RHOJ: variants seen among roughly 807,000 people sequenced by gnomAD.
RHOJ encodes ras homolog family member J, also known as rho-related GTP-binding protein RhoJ.
In RHOJ, 11 loss-of-function variants were observed where a neutral mutation model predicts 23.4. The observed-to-expected ratio is 0.47, with a 90% CI of 0.30 to 0.78. RHOJ has a LOEUF of 0.78. Ranked by LOEUF, RHOJ falls within the 30% of genes least tolerant of loss-of-function variation. The probability of loss-of-function intolerance (pLI) is 0.08; values close to 1 mark genes in which losing one functional copy is unlikely to be tolerated. For synonymous variants in RHOJ, 102 were observed against 102.7 expected (o/e 0.99, Z 0.04); for missense variants, 254 against 273.4 (o/e 0.93, Z 0.50).
intron 1 of RHOJ, among the ~76,000 whole-genome samples, chr14:63,210,628 A>G (rs1894215216): frequency 1.3e-5 from 2 of 152,150 alleles, no homozygotes; most frequent in South Asian, 4.1e-4. Context: ...GAAGAATTGC[A>G]TTTCTTCCCC....
chr14:63,243,063 C>A (rs1184918885), intron 1 of RHOJ, among the ~76,000 whole-genome samples: 2 of 152,112 alleles, frequency 1.3e-5, no homozygotes, highest in African/African-American at 4.8e-5. Flanking sequence ...GGTACTTGCA[C>A]CTTCTCATAA....
intron 2 of RHOJ, among the ~76,000 whole-genome samples, chr14:63,277,855 T>A (rs1249283346): frequency 1.3e-5 from 2 of 151,792 alleles, no homozygotes; most frequent in Non-Finnish European, 2.9e-5. Context: ...AAGAGAGAAG[T>A]GGGGAGACCA....
chr14:63,227,042 C>G (rs1020533581), intron 1 of RHOJ, among the ~76,000 whole-genome samples: 1 of 152,120 alleles, frequency 6.6e-6, no homozygotes, highest in South Asian at 2.1e-4. Flanking sequence ...ACCTCTGCCT[C>G]CTGGGTTCAA....
At chr14:63,280,849 G>C in intron 2 of RHOJ, 122 bp from the exon 3 acceptor site, 5 of 848,306 alleles carry the variant, frequency 5.9e-6, no homozygotes, top group Non-Finnish European at 8.7e-6. Flanking sequence ...CCAGATTCCA[G>C]GGTTGAGGAA....
Position 63,292,417 on chromosome 14 carries a change from G to C in RHOJ, c.*1393G>C, listed in dbSNP as rs969704547. 3 of 152,184 alleles carry C rather than the reference G, an allele frequency of 2.0e-5. No individual in the cohort carries two copies. The highest frequency in any genetic ancestry group is 4.4e-5 in the Non-Finnish European group (3 of 68,036). 9.4% of individuals were successfully genotyped at this position (152,184 alleles called of 1,614,324 possible). ...AACATCCAGGAATTTTTGTATCATA[G>C]AGCGAATTACTTCCTATCTTTTCAT... On this transcript the variant is annotated 3_prime_UTR_variant, in exon 5 of 5. Transcript: ENST00000316754.
chr14:63,290,089 A>C (rs1882199347), intron 4 of RHOJ, among the ~76,000 whole-genome samples: 1 of 152,118 alleles, frequency 6.6e-6, no homozygotes, highest in Admixed American at 6.5e-5. Context: ...CTAAAAATAC[A>C]AAAACTAACC....
chr14:63,239,136 G>A (rs554853493), intron 1 of RHOJ, among the ~76,000 whole-genome samples: 34 of 152,028 alleles, frequency 2.2e-4, no homozygotes, highest in African/African-American at 6.5e-4. Flanking sequence ...TATTTGAAAT[G>A]GAGTCTACTC....
chr14:63,251,351 G>C (rs1396452651), intron 1 of RHOJ, among the ~76,000 whole-genome samples: 1 of 152,132 alleles, frequency 6.6e-6, no homozygotes, highest in Non-Finnish European at 1.5e-5. Flanking sequence ...GTAAGAAATG[G>C]CTTCTGAAGT....
chr14:63,287,969 C>A (rs1291814335), intron 4 of RHOJ, among the ~76,000 whole-genome samples: 1 of 152,134 alleles, frequency 6.6e-6, no homozygotes, highest in Non-Finnish European at 1.5e-5. Context: ...TTTTAGCAAT[C>A]TGGCTGTGCT....
At chr14:63,262,258 A>G (rs1456864457) in intron 1 of RHOJ, among the ~76,000 whole-genome samples, 1 of 152,194 alleles carries the variant, frequency 6.6e-6, no homozygotes. Context: ...GTTTTGTGAG[A>G]TGACTGAAAT....
chr14:63,290,229 G>A (rs191338046), intron 4 of RHOJ, among the ~76,000 whole-genome samples: 65 of 152,170 alleles, frequency 4.3e-4, no homozygotes, highest in African/African-American at 1.5e-3. Flanking sequence ...CAACAAGAGC[G>A]AAATCCATCT....
In RHOJ at chr14:63,292,728, C is replaced by G. The variant is rs1023373727; in HGVS notation, c.*1704C>G. The G allele has an allele frequency of 2.6e-5, 4 of 152,054 alleles. No homozygotes were observed. Among genetic ancestry groups the G allele is most frequent in the African/African-American group, 9.7e-5 (4 of 41,368 alleles). The allele number at this position is 152,054 out of a possible 1,614,324, so 9.4% of individuals were successfully genotyped here. ...CTTAGGGAGGCTGAGGTGGGTGGGC[C>G]GCTTGAGCTCAGGAGTTCAAGACCA... On this transcript the variant is annotated 3_prime_UTR_variant, in exon 5 of 5. Coordinates refer to ENST00000316754, the MANE Select transcript of RHOJ (RefSeq NM_020663.5).
intron 2 of RHOJ, among the ~76,000 whole-genome samples, chr14:63,277,655 C>T (rs1295921875): frequency 6.6e-6 from 1 of 152,024 alleles, no homozygotes; most frequent in Non-Finnish European, 1.5e-5. Flanking sequence ...ATATTTACTG[C>T]GGAAAGAGTA....
intron 1 of RHOJ, among the ~76,000 whole-genome samples, chr14:63,211,979 C>G (rs998709610): frequency 6.6e-6 from 1 of 152,192 alleles, no homozygotes; most frequent in African/African-American, 2.4e-5. Context: ...GGGATTAACT[C>G]AATGGCAAGG....
At chr14:63,280,564 A>C (rs1175770496) in intron 2 of RHOJ, among the ~76,000 whole-genome samples, 1 of 152,164 alleles carries the variant, frequency 6.6e-6, no homozygotes, top group African/African-American at 2.4e-5. Flanking sequence ...TTTAAAGGTA[A>C]GCTGTAAGGA....
chr14:63,284,373 GA>G (rs770570763), intron 4 of RHOJ: 14 of 983,828 alleles, frequency 1.4e-5, no homozygotes, highest in Admixed American at 1.2e-4. Flanking sequence ...GACGTCCATG[GA>G]GTCCTTAGGA....
At chr14:63,205,845 A>G (rs1332149247) in intron 1 of RHOJ, among the ~76,000 whole-genome samples, 1 of 152,230 alleles carries the variant, frequency 6.6e-6, no homozygotes, top group Non-Finnish European at 1.5e-5. Flanking sequence ...CATTATCTAA[A>G]TTCTTCCATT....
At chr14:63,253,903 C>T (rs940522322) in intron 1 of RHOJ, among the ~76,000 whole-genome samples, 3 of 152,184 alleles carry the variant, frequency 2.0e-5, no homozygotes, top group African/African-American at 4.8e-5. Flanking sequence ...TGGAACGTAA[C>T]TAGCAGGTAT....
chr14:63,228,534 T>TA (rs1267574528), intron 1 of RHOJ, among the ~76,000 whole-genome samples: 1 of 152,104 alleles, frequency 6.6e-6, no homozygotes, highest in South Asian at 2.1e-4. Flanking sequence ...AGGAAGCGCT[T>TA]AAAGAATTGA....
Sources: allele counts gnomAD v4.1 joint callset (sites outside exome capture counted in the v4.1 genomes callset), GRCh38; gene constraint gnomAD v4.1.1; transcripts MANE v1.5; gene names NCBI Gene and HGNC (gene_info 2026-07-23, HGNC 2026-07-21).